Variants in KCNJ6 observed in about 807,000 individuals in gnomAD.
KCNJ6 encodes the protein G protein-activated inward rectifier potassium channel 2.
Under a neutral mutation model 34.2 loss-of-function variants are expected in KCNJ6, and 9 were observed. That is an observed-to-expected ratio of 0.26 (90% CI 0.16 to 0.46). KCNJ6 has a LOEUF of 0.46. Among genes scored for constraint, KCNJ6 ranks in the 20% least tolerant of loss-of-function variants. The pLI, the probability that KCNJ6 is intolerant of heterozygous loss-of-function variation, is 1.00. For missense variants in KCNJ6, 236 were observed against 531.3 expected (o/e 0.44, Z 5.46); for synonymous variants, 196 against 207.1 (o/e 0.95, Z 0.46).
intron 3 of KCNJ6, among the ~76,000 whole-genome samples, chr21:37,686,460 C>CTTT (rs34884125): frequency 3.6e-4 from 13 of 35,672 alleles, no homozygotes; most frequent in Non-Finnish European, 4.6e-4. Context: ...CGGGTGAAGT[C>CTTT]TTTTTTTTTT....
intron 1 of KCNJ6, among the ~76,000 whole-genome samples, chr21:37,900,548 A>G (rs1010530429): frequency 6.6e-5 from 10 of 152,308 alleles, no homozygotes; most frequent in Admixed American, 5.2e-4. Flanking sequence ...AACGCATACT[A>G]TGGAGGAAGT....
chr21:37,629,815 G>A (rs1341703970), intron 3 of KCNJ6, among the ~76,000 whole-genome samples: 1 of 152,224 alleles, frequency 6.6e-6, no homozygotes, highest in African/African-American at 2.4e-5. Flanking sequence ...GCCATTTGAA[G>A]AGGAGTATTT....
At chr21:37,830,515 G>A (rs2055420683) in intron 2 of KCNJ6, among the ~76,000 whole-genome samples, 1 of 152,078 alleles carries the variant, frequency 6.6e-6, no homozygotes, top group Non-Finnish European at 1.5e-5. Context: ...ACTGGCTTCC[G>A]GTGGGTTGAG....
At chr21:37,816,413 T>C (rs1451178033) in intron 2 of KCNJ6, among the ~76,000 whole-genome samples, 1 of 152,252 alleles carries the variant, frequency 6.6e-6, no homozygotes, top group Non-Finnish European at 1.5e-5. Context: ...TTCATGTCTG[T>C]GTTGCAGTTA....
intron 3 of KCNJ6, among the ~76,000 whole-genome samples, chr21:37,683,761 G>C (rs931606707): frequency 6.6e-6 from 1 of 152,200 alleles, no homozygotes; most frequent in African/African-American, 2.4e-5. Flanking sequence ...CAGAGCTGGG[G>C]TCTGGACCTG....
At chr21:37,846,026 A>G (rs1489018687) in intron 1 of KCNJ6, among the ~76,000 whole-genome samples, 1 of 150,758 alleles carries the variant, frequency 6.6e-6, no homozygotes, top group Non-Finnish European at 1.5e-5. Flanking sequence ...ACAGATGCTG[A>G]AAAAAAAACA....
chr21:37,907,713 T>A (rs1261174780), intron 1 of KCNJ6, among the ~76,000 whole-genome samples: 1 of 152,160 alleles, frequency 6.6e-6, no homozygotes, highest in Non-Finnish European at 1.5e-5. Flanking sequence ...ACAATTATAA[T>A]CCTTCCTTCA....
intron 2 of KCNJ6, among the ~76,000 whole-genome samples, chr21:37,834,042 T>G (rs1411318490): frequency 6.6e-6 from 1 of 152,212 alleles, no homozygotes; most frequent in African/African-American, 2.4e-5. Flanking sequence ...TAAATTCATT[T>G]CAGATCCACT....
intron 1 of KCNJ6, among the ~76,000 whole-genome samples, chr21:37,913,545 T>C (rs554929092): frequency 2.4e-4 from 36 of 152,194 alleles, no homozygotes; most frequent in South Asian, 8.3e-4. Flanking sequence ...CTGGGCCGGA[T>C]ACGGTGGCTC....
In KCNJ6 at chr21:37,714,814, C is replaced by T. The variant is rs762906480; in HGVS notation, c.343G>A (p.Ala115Thr). 4 of 1,614,158 alleles carry T rather than the reference C, an allele frequency of 2.5e-6. No individual in the cohort carries two copies. Among genetic ancestry groups the T allele is most frequent in the African/African-American group, 2.7e-5 (2 of 75,032 alleles). ...LFFGMIWWLI[A>T]YIRGDMDHIE... The stretch of plus-strand genomic sequence containing the variant: ...TGGTCCATGTCTCCCCGTATGTATG[C>T]GATCAACCACCAGATCATTCCAAAA... Residue 115 changes from alanine to threonine, a missense_variant, in exon 3 of 4, where the codon GCA (alanine) becomes ACA (threonine). Physicochemically the swap from Ala to Thr is moderately conservative, Grantham distance 58. Around this residue, in one of 5 missense-constraint regions of KCNJ6, gnomAD observed 68 missense variants for 165.7 expected, o/e 0.41. Transcript: ENST00000609713. This position sits in a 1 kb window ranked among gnomAD's most constrained non-coding sequence, Gnocchi z 5.9.
At chr21:37,734,142 T>C (rs2054900709) in intron 2 of KCNJ6, among the ~76,000 whole-genome samples, 1 of 152,230 alleles carries the variant, frequency 6.6e-6, no homozygotes, top group African/African-American at 2.4e-5. Context: ...GTTGAAATCT[T>C]TACAGTAGAT....
At chr21:37,653,309 T>C (rs56682341) in intron 3 of KCNJ6, among the ~76,000 whole-genome samples, 23,862 of 151,926 alleles carry the variant, frequency 0.16, 3,038 homozygotes, top group African/African-American at 0.35. Flanking sequence ...GGTCAGTAGG[T>C]TGAAAATAAG....
intron 2 of KCNJ6, among the ~76,000 whole-genome samples, chr21:37,822,705 G>A: frequency 6.6e-6 from 1 of 152,108 alleles, no homozygotes; most frequent in Non-Finnish European, 1.5e-5. Context: ...GATTTTGATT[G>A]TCTTTTGTGA....
rs1250207802 is a variant in KCNJ6, at chr21:37,607,490, T to TTTTTA, written c.*17668_*17669insTAAAA. ...TATATATATATATATATATTTTTTTTTTATTTTAAAAAAATTTGGCATTGT... is the reference window on the plus strand; with the variant it reads ...TATATATATATATATATATTTTTTTTTTTTATTATTTTAAAAAAATTTGGCATTGT... On this transcript the variant is annotated 3_prime_UTR_variant, in exon 4 of 4. Coordinates refer to ENST00000609713, the MANE Select transcript of KCNJ6 (RefSeq NM_002240.5). The TTTTTA allele has an allele frequency of 2.5e-5, 2 of 79,990 alleles. No homozygotes were observed. The highest frequency in any genetic ancestry group is 4.7e-5 in the African/African-American group (1 of 21,166). 5.0% of individuals were successfully genotyped at this position (79,990 alleles called of 1,614,324 possible).
chr21:37,849,829 C>A (rs868100300), intron 1 of KCNJ6, among the ~76,000 whole-genome samples: 1 of 152,200 alleles, frequency 6.6e-6, no homozygotes, highest in African/African-American at 2.4e-5. Context: ...CCATGACTTA[C>A]AAAGTAACAG....
intron 2 of KCNJ6, among the ~76,000 whole-genome samples, chr21:37,797,987 A>G (rs2123528898): frequency 6.6e-6 from 1 of 152,326 alleles, no homozygotes; most frequent in East Asian, 1.9e-4. Flanking sequence ...TTAGCTAAAC[A>G]TTCTCTCAGT....
At chr21:37,886,012 T>C (rs1444326303) in intron 1 of KCNJ6, among the ~76,000 whole-genome samples, 2 of 152,104 alleles carry the variant, frequency 1.3e-5, no homozygotes, top group Non-Finnish European at 2.9e-5. Flanking sequence ...AAGGCTGTTA[T>C]CTCTTGGTGG....
chr21:37,835,745 T>C (rs1405962639), intron 2 of KCNJ6, among the ~76,000 whole-genome samples: 1 of 152,194 alleles, frequency 6.6e-6, no homozygotes, highest in Admixed American at 6.5e-5. Context: ...GCTTTCAGTT[T>C]CATTTCAGTC....
At chr21:37,640,561 C>T (rs899375174) in intron 3 of KCNJ6, among the ~76,000 whole-genome samples, 5 of 152,230 alleles carry the variant, frequency 3.3e-5, no homozygotes, top group African/African-American at 1.2e-4. Context: ...AGCGTTTGTC[C>T]CTTACATCAT....
Sources: allele counts gnomAD v4.1 joint callset (sites outside exome capture counted in the v4.1 genomes callset), GRCh38; gene constraint gnomAD v4.1.1; regional missense constraint gnomAD v4.1.1; non-coding constraint Gnocchi (gnomAD v3.1); transcripts MANE v1.5; gene names NCBI Gene and HGNC (gene_info 2026-07-23, HGNC 2026-07-21).